Variants in WDR37 observed in about 807,000 individuals in gnomAD.
WDR37 encodes WD repeat domain 37, also known as WD repeat-containing protein 37.
Under a neutral mutation model 62.9 loss-of-function variants are expected in WDR37, and 19 were observed. The ratio of observed to expected loss-of-function variants is 0.30; its 90% CI spans 0.21 to 0.44. WDR37 has a LOEUF of 0.44. Ranked by LOEUF, WDR37 falls within the 20% of genes least tolerant of loss-of-function variation. WDR37 has a pLI of 1.00. For missense variants in WDR37, 474 were observed against 657.6 expected (o/e 0.72, Z 3.05); for synonymous variants, 250 against 260.9 (o/e 0.96, Z 0.40).
intron 11 of WDR37, among the ~76,000 whole-genome samples, chr10:1,108,092 C>T (rs1835080587): frequency 6.6e-6 from 1 of 152,212 alleles, no homozygotes; most frequent in South Asian, 2.1e-4. Context: ...CATGCATTTT[C>T]TAAGAATAAG....
chr10:1,120,613 G>A (rs1309734678), intron 11 of WDR37, among the ~76,000 whole-genome samples: 2 of 152,226 alleles, frequency 1.3e-5, no homozygotes, highest in South Asian at 2.1e-4. Context: ...TGGGTTCCAA[G>A]GAAGGGGCTG....
At chr10:1,058,237 T>A (rs1218908835) in intron 1 of WDR37, among the ~76,000 whole-genome samples, 1 of 152,252 alleles carries the variant, frequency 6.6e-6, no homozygotes, top group Non-Finnish European at 1.5e-5. Flanking sequence ...AAGGCCTTCC[T>A]AAGTCCCGAC....
chr10:1,094,083 C>T (rs1035024048), intron 8 of WDR37, among the ~76,000 whole-genome samples: 1 of 152,162 alleles, frequency 6.6e-6, no homozygotes, highest in Non-Finnish European at 1.5e-5. Flanking sequence ...AGCCCAGGGA[C>T]ATTGGTGATG....
At chr10:1,057,163 C>T (rs1168358960) in intron 1 of WDR37, among the ~76,000 whole-genome samples, 195 bp downstream of exon 1, 1 of 151,596 alleles carries the variant, frequency 6.6e-6, no homozygotes, top group Non-Finnish European at 1.5e-5. Context: ...GGACCCGTGG[C>T]GGTGCAGGAA....
At chr10:1,084,340 T>C in intron 5 of WDR37, 63 bp from the exon 6 acceptor site, 1 of 1,583,660 alleles carries the variant, frequency 6.3e-7, no homozygotes, top group Non-Finnish European at 8.6e-7. Context: ...CGTTTTCTCT[T>C]TCTTGACTTA....
At chr10:1,085,712 A>T (rs1001503525) in intron 6 of WDR37, among the ~76,000 whole-genome samples, 7 of 152,238 alleles carry the variant, frequency 4.6e-5, no homozygotes, top group African/African-American at 1.7e-4. Flanking sequence ...TTCATGGATG[A>T]GCGCCTTGGA....
chr10:1,096,395 A>T (rs557303762), intron 9 of WDR37, 149 bp downstream of exon 9: 8 of 797,890 alleles, frequency 1.0e-5, no homozygotes, highest in African/African-American at 6.8e-5. Context: ...GAATTTGGAG[A>T]TTGGGCCTCT....
Position 1,105,005 on chromosome 10 carries a change from T to A in WDR37, c.962-121T>A. ...TGTGACCCACATGCTGCTGAGTGAT[T>A]CCATTAGGTCAGGTTCACAGTCTCA... is the stretch of plus-strand genomic sequence containing the variant. On this transcript the variant is annotated intron_variant, in intron 10 of 13. Transcript: ENST00000263150. This position sits in a 1 kb window ranked among gnomAD's most constrained non-coding sequence, Gnocchi z 5.3. 8.2e-7 allele frequency: 1 copy of A among 1,218,836 alleles called. No individual in the cohort carries two copies. Among genetic ancestry groups the A allele is most frequent in the African/African-American group, 1.5e-5 (1 of 66,486 alleles). 75.5% of individuals were successfully genotyped at this position (1,218,836 alleles called of 1,614,324 possible). A position where few individuals can be genotyped will look rare whatever the true frequency, so the allele number is the denominator to read the frequency against.
chr10:1,107,251 C>CCAGATG (rs1835053898), intron 11 of WDR37, among the ~76,000 whole-genome samples: 8 of 152,314 alleles, frequency 5.3e-5, no homozygotes, highest in African/African-American at 1.9e-4. Flanking sequence ...CAGAGGGGCC[C>CCAGATG]CACAGCAAAG....
intron 7 of WDR37, among the ~76,000 whole-genome samples, chr10:1,087,485 C>T: frequency 6.6e-6 from 1 of 152,208 alleles, no homozygotes; most frequent in East Asian, 1.9e-4. Flanking sequence ...ACTCCTTGAT[C>T]CCTGGGCTAC....
intron 12 of WDR37, among the ~76,000 whole-genome samples, chr10:1,124,657 AGTGTGTGT>A (rs10522293): frequency 0.45 from 66,817 of 149,054 alleles, 15,541 homozygotes; most frequent in Non-Finnish European, 0.53. Flanking sequence ...ACCATTGAGC[AGTGTGTGT>A]GTGTGTGTGT....
At chr10:1,089,638 A>T (rs12765751) in intron 7 of WDR37, among the ~76,000 whole-genome samples, 87,746 of 150,842 alleles carry the variant, frequency 0.58, 26,224 homozygotes, top group Non-Finnish European at 0.66. Flanking sequence ...CTCACCCACA[A>T]TTCAGCCTTC....
rs1212905392 is a variant in WDR37 at position 1,105,018 on chromosome 10, G to T, written c.962-108G>T. 3 of 1,387,552 alleles carry T rather than the reference G, an allele frequency of 2.2e-6. No individual in the cohort carries two copies. The highest frequency in any genetic ancestry group is 2.9e-6 in the Non-Finnish European group (3 of 1,025,598). 86.0% of individuals were successfully genotyped at this position (1,387,552 alleles called of 1,614,324 possible). A position where few individuals can be genotyped will look rare whatever the true frequency, so the allele number is the denominator to read the frequency against. On this transcript the variant is annotated intron_variant, in intron 10 of 13. Transcript: ENST00000263150. This position sits in a 1 kb window ranked among gnomAD's most constrained non-coding sequence, Gnocchi z 5.3. ...CTGCTGAGTGATTCCATTAGGTCAG[G>T]TTCACAGTCTCAGAGAGACGGCTTC...
In WDR37 at chr10:1,129,516, T is replaced by C. The variant is rs879405988; in HGVS notation, c.*172T>C. 356 of 1,062,684 alleles carry C rather than the reference T, an allele frequency of 3.4e-4. 1 individual carries two copies. Among genetic ancestry groups the C allele is most frequent in the Admixed American group, 2.7e-4 (9 of 33,126 alleles). 65.8% of individuals were successfully genotyped at this position (1,062,684 alleles called of 1,614,324 possible). A position where few individuals can be genotyped will look rare whatever the true frequency, so the allele number is the denominator to read the frequency against. On this transcript the variant is annotated 3_prime_UTR_variant, in exon 14 of 14. Coordinates refer to ENST00000263150, the MANE Select transcript of WDR37 (RefSeq NM_014023.4). ...TGCATGAAATGTACAGAGAAATGTG[T>C]GGTCGTATTTTTTACTTTTGTCTTG...
intron 5 of WDR37, among the ~76,000 whole-genome samples, chr10:1,080,873 T>C (rs1164878873): frequency 6.6e-6 from 1 of 151,148 alleles, no homozygotes; most frequent in Non-Finnish European, 1.5e-5. Context: ...ACCACCGCAC[T>C]CTAGCCTGGG....
chr10:1,067,848 A>G (rs950492237), intron 1 of WDR37, among the ~76,000 whole-genome samples: 1 of 152,192 alleles, frequency 6.6e-6, no homozygotes, highest in Admixed American at 6.5e-5. Flanking sequence ...GATAAATAAA[A>G]TGTGGTGCGC....
intron 2 of WDR37, among the ~76,000 whole-genome samples, chr10:1,074,825 C>T (rs1220326901): frequency 6.6e-6 from 1 of 152,246 alleles, no homozygotes; most frequent in Non-Finnish European, 1.5e-5. Flanking sequence ...TCAGATTTGC[C>T]AGTCTGAAGT....
intron 7 of WDR37, among the ~76,000 whole-genome samples, chr10:1,090,311 A>G (rs1834344386): frequency 6.6e-6 from 1 of 152,140 alleles, no homozygotes; most frequent in Non-Finnish European, 1.5e-5. Context: ...GGCACATGCC[A>G]CCACGCCCAG....
chr10:1,088,593 C>G (rs1257438649), intron 7 of WDR37, among the ~76,000 whole-genome samples: 3 of 151,526 alleles, frequency 2.0e-5, no homozygotes, highest in African/African-American at 4.9e-5. Flanking sequence ...GTTTGTGCCT[C>G]TCCCCAAAAT....
Sources: gnomAD v4.1 joint callset for allele counts (sites outside exome capture counted in the v4.1 genomes callset) on GRCh38, gnomAD v4.1.1 for gene constraint, Gnocchi (gnomAD v3.1) non-coding constraint, MANE v1.5 for transcripts, NCBI Gene and HGNC (gene_info 2026-07-23, HGNC 2026-07-21) for gene names.